Variants in RBM17 observed in about 807,000 individuals in gnomAD.
The protein encoded by RBM17 is splicing factor 45.
A neutral mutation model predicts 53.2 loss-of-function variants in RBM17; 7 were observed. That is an observed-to-expected ratio of 0.13 (90% CI 0.07 to 0.25). The LOEUF (loss-of-function observed/expected upper bound fraction) is 0.25, where lower values mean the gene tolerates loss of function less well. Among genes scored for constraint, RBM17 ranks in the 10% least tolerant of loss-of-function variants. RBM17 has a pLI of 1.00. For synonymous variants in RBM17, 167 were observed against 178.1 expected (o/e 0.94, Z 0.50); for missense variants, 257 against 496.7 (o/e 0.52, Z 4.59).
chr10:6,089,151 G>GC lies in RBM17; in HGVS notation c.-59dup, dbSNP rs1163631168. 2 of 154,796 alleles carry GC rather than the reference G, an allele frequency of 1.3e-5. No individual in the cohort carries two copies. Among genetic ancestry groups the GC allele is most frequent in the East Asian group, 1.9e-4 (1 of 5,244 alleles). 9.6% of individuals were successfully genotyped at this position (154,796 alleles called of 1,614,324 possible). On this transcript the variant is annotated 5_prime_UTR_variant, in exon 1 of 12. Transcript: ENST00000379888. This position sits in a 1 kb window ranked among gnomAD's most constrained non-coding sequence, Gnocchi z 5.6. ...GCGGAGTGCCGCCCGGCTCCGCTCTGCCGCCGGCGCGGCTCATGGGCAGAG... is the reference window on the plus strand; with the variant it reads ...GCGGAGTGCCGCCCGGCTCCGCTCTGCCCGCCGGCGCGGCTCATGGGCAGAG...
In RBM17 at chr10:6,089,145, CG is replaced by C; in HGVS notation, c.-66del. 6.4e-6 allele frequency: 1 copy of C among 155,104 alleles called. No homozygotes were observed. Among genetic ancestry groups the C allele is most frequent in the Non-Finnish European group, 1.4e-5 (1 of 70,242 alleles). The allele number at this position is 155,104 out of a possible 1,614,324, so 9.6% of individuals were successfully genotyped here. A position where few individuals can be genotyped will look rare whatever the true frequency, so the allele number is the denominator to read the frequency against. On this transcript the variant is annotated 5_prime_UTR_variant, in exon 1 of 12. Transcript: ENST00000379888. The surrounding 1 kb of genome is among the most constrained non-coding windows in gnomAD (Gnocchi z 5.6). ...GTTTCCGCGGAGTGCCGCCCGGCTC[CG>C]CTCTGCCGCCGGCGCGGCTCATGGG...
rs529982042 is a variant in RBM17, at chr10:6,113,077, C to G, written c.857-431C>G. On this transcript the variant is annotated intron_variant, in intron 8 of 11. Transcript: ENST00000379888. ...CATCACGAGCCTGACAGGTGAGTGC[C>G]AGAAACCAACAGTTGTCCCGACTTG... 6 of 178,182 alleles carry G rather than the reference C, an allele frequency of 3.4e-5. No homozygotes were observed. The South Asian group carries it at 7.1e-4, about 21-fold the overall frequency. 11.0% of individuals were successfully genotyped at this position (178,182 alleles called of 1,614,324 possible).
At chr10:6,113,431 T>C in intron 8 of RBM17, 77 bp from the exon 9 acceptor site, 2 of 934,096 alleles carry the variant, frequency 2.1e-6, no homozygotes, top group Non-Finnish European at 3.5e-6. Flanking sequence ...TTATTGTAAG[T>C]AGGACTCAGT....
intron 5 of RBM17, 164 bp downstream of exon 5, chr10:6,106,402 A>T (rs1364542891): frequency 1.8e-5 from 10 of 559,776 alleles, no homozygotes; most frequent in Non-Finnish European, 2.9e-5. Flanking sequence ...GTTTTAATTT[A>T]TATTGGGTTT....
chr10:6,112,658 T>C lies in RBM17; in HGVS notation c.856+297T>C, dbSNP rs1840858235. 2.4e-6 allele frequency: 1 copy of C among 419,952 alleles called. No individual in the cohort carries two copies. Among genetic ancestry groups the C allele is most frequent in the Admixed American group, 3.6e-5 (1 of 28,044 alleles). The allele number at this position is 419,952 out of a possible 1,614,324, so 26.0% of individuals were successfully genotyped here. A position where few individuals can be genotyped will look rare whatever the true frequency, so the allele number is the denominator to read the frequency against. The stretch of plus-strand genomic sequence containing the variant: ...AGAGACTTGGGCAGAAAATGAGTAG[T>C]CCTCAGGAAGAAATCTTGGTTATGT... On this transcript the variant is annotated intron_variant, in intron 8 of 11. Coordinates refer to ENST00000379888, the MANE Select transcript of RBM17 (RefSeq NM_032905.5). This position sits in a 1 kb window ranked among gnomAD's most constrained non-coding sequence, Gnocchi z 4.4.
At chr10:6,110,536 A>G (rs1177365008) in intron 7 of RBM17, among the ~76,000 whole-genome samples, 1 of 152,150 alleles carries the variant, frequency 6.6e-6, no homozygotes, top group Non-Finnish European at 1.5e-5. Flanking sequence ...CCTTTGGTCT[A>G]AAAAACTCGG....
rs1388976076 is a variant in RBM17, at chr10:6,115,424, G to A, written c.1103-29G>A. Reference sequence around the variant, plus strand: ...TAAACCTTTATCTTATAGGATACCTGTATTAACTGTCTTTTGTTTGCCTTT... The same window carrying A: ...TAAACCTTTATCTTATAGGATACCTATATTAACTGTCTTTTGTTTGCCTTT... On this transcript the variant is annotated intron_variant, in intron 11 of 11. Transcript: ENST00000379888. 7 of 1,553,300 alleles carry A rather than the reference G, an allele frequency of 4.5e-6. No homozygotes were observed. In the East Asian group the frequency reaches 1.6e-4, roughly 35 times the overall value.
intron 5 of RBM17, among the ~76,000 whole-genome samples, chr10:6,107,147 T>G (rs1840760652): frequency 1.3e-5 from 2 of 152,268 alleles, no homozygotes; most frequent in African/African-American, 4.8e-5. Context: ...ACACTGGCTT[T>G]AGAATAATTT....
intron 6 of RBM17, among the ~76,000 whole-genome samples, 180 bp downstream of exon 6, chr10:6,108,922 A>G (rs1236565097): frequency 6.6e-6 from 1 of 152,144 alleles, no homozygotes; most frequent in Non-Finnish European, 1.5e-5. Context: ...CTGCAGAGAG[A>G]GACCTTTCTA....
chr10:6,110,232 T>G (rs1186232444), intron 7 of RBM17, 105 bp downstream of exon 7: 1 of 1,064,438 alleles, frequency 9.4e-7, no homozygotes, highest in Non-Finnish European at 1.3e-6. Context: ...TTCAGGACCC[T>G]TGGTGTGTGC....
At position 6,116,412 on chromosome 10, in the gene RBM17, A is replaced by G. The variant is rs960425094; in HGVS notation, c.*856A>G. The G allele has an allele frequency of 3.9e-5, 6 of 152,508 alleles. No homozygotes were observed. Among genetic ancestry groups the G allele is most frequent in the African/African-American group, 1.2e-4 (5 of 41,598 alleles). 9.4% of individuals were successfully genotyped at this position (152,508 alleles called of 1,614,324 possible). A position where few individuals can be genotyped will look rare whatever the true frequency, so the allele number is the denominator to read the frequency against. On this transcript the variant is annotated 3_prime_UTR_variant, in exon 12 of 12. Coordinates refer to ENST00000379888, the MANE Select transcript of RBM17 (RefSeq NM_032905.5). ...TATTGTATGTAATTTTAAAATTTAT[A>G]AGATTATCCACGTTGGCCAAGTAAA...
At chr10:6,094,259 C>CG (rs1349899271) in intron 1 of RBM17, among the ~76,000 whole-genome samples, 1 of 152,024 alleles carries the variant, frequency 6.6e-6, no homozygotes, top group African/African-American at 2.4e-5. Flanking sequence ...ATTAGAGGTG[C>CG]GAGACACCGC....
At chr10:6,096,302 A>G (rs1466159746) in intron 1 of RBM17, among the ~76,000 whole-genome samples, 3 of 152,088 alleles carry the variant, frequency 2.0e-5, no homozygotes, top group Non-Finnish European at 4.4e-5. Context: ...CCCAGCATCC[A>G]TGTCTGTGCA....
chr10:6,099,038 A>G (rs1016479548), intron 2 of RBM17, among the ~76,000 whole-genome samples: 1 of 152,116 alleles, frequency 6.6e-6, no homozygotes, highest in African/African-American at 2.4e-5. Context: ...TTTTTAAAAC[A>G]AGGTTTCATT....
intron 1 of RBM17, among the ~76,000 whole-genome samples, chr10:6,090,178 G>A (rs1040769040): frequency 7.2e-5 from 11 of 152,084 alleles, no homozygotes; most frequent in African/African-American, 2.4e-4. Context: ...GCCATTGAGG[G>A]TCCTTATTTT....
intron 3 of RBM17, among the ~76,000 whole-genome samples, chr10:6,101,797 ATAATT>A (rs781449209): frequency 2.0e-5 from 3 of 152,234 alleles, no homozygotes; most frequent in Admixed American, 6.5e-5. Context: ...TAGATGGACT[ATAATT>A]TAATTCCTTT....
rs1383113864 is a variant in RBM17, at chr10:6,116,593, C to G, written c.*1037C>G. The G allele has an allele frequency of 6.6e-6, 1 of 152,296 alleles. No homozygotes were observed. Among genetic ancestry groups the G allele is most frequent in the Admixed American group, 6.5e-5 (1 of 15,272 alleles). The allele number at this position is 152,296 out of a possible 1,614,324, so 9.4% of individuals were successfully genotyped here. ...GGGCAGGAGGTATTTCCAGAAAATA[C>G]TCATGCCTGTGTTCTGTTCCTTGCT... On this transcript the variant is annotated 3_prime_UTR_variant, in exon 12 of 12. Coordinates refer to ENST00000379888, the MANE Select transcript of RBM17 (RefSeq NM_032905.5).
chr10:6,111,379 G>A (rs1400685811), intron 7 of RBM17, among the ~76,000 whole-genome samples: 2 of 152,172 alleles, frequency 1.3e-5, no homozygotes, highest in Non-Finnish European at 2.9e-5. Flanking sequence ...TCGCTCTGTC[G>A]CCCAGGCTGG....
rs1175215628 is a variant in RBM17, at chr10:6,115,253, T to C, written c.1044T>C (p.Pro348=). 1.2e-6 allele frequency: 2 copies of C among 1,613,472 alleles called. No individual in the cohort carries two copies. Among genetic ancestry groups the C allele is most frequent in the Admixed American group, 1.7e-5 (1 of 59,948 alleles). ...TTTTCTTCCAGATTCCTGGTGCCCCTGATGATGAAGCAGTACGGATATTTT... is the reference window on the plus strand; with the variant it reads ...TTTTCTTCCAGATTCCTGGTGCCCCCGATGATGAAGCAGTACGGATATTTT... The part of the protein sequence containing the change: ...KCVIFEIPGA[P]DDEAVRIFLE... The change falls in exon 11 of 12, where the codon CCT becomes CCC. Residue 348 remains proline, a synonymous_variant. Transcript: ENST00000379888.
Sources: allele counts gnomAD v4.1 joint callset (sites outside exome capture counted in the v4.1 genomes callset), GRCh38; gene constraint gnomAD v4.1.1; non-coding constraint Gnocchi (gnomAD v3.1); transcripts MANE v1.5; gene names NCBI Gene and HGNC (gene_info 2026-07-23, HGNC 2026-07-21).